The following EVC2 variants were observed in gnomAD, a reference collection of about 807,000 sequenced individuals.
EVC2 encodes limbin.
A neutral mutation model predicts 149.3 loss-of-function variants in EVC2; 148 were observed. The observed-to-expected ratio is 0.99, with a 90% confidence interval of 0.87 to 1.14. The LOEUF (loss-of-function observed/expected upper bound fraction) is 1.14. Among genes scored for constraint, EVC2 ranks in the 50% most tolerant of loss-of-function variants. EVC2 has a pLI of 0.00. For synonymous variants in EVC2, 776 were observed against 649.9 expected, an observed-to-expected ratio of 1.19 and a Z score of -2.95; for missense variants, 1,854 against 1,627.3, an observed-to-expected ratio of 1.14 and a Z score of -2.40.
intron 9 of EVC2, among the ~76,000 whole-genome samples, chr4:5,649,198 A>T (rs1327859311): frequency 6.6e-6 from 1 of 152,176 alleles, no homozygotes; most frequent in Non-Finnish European, 1.5e-5. Context: ...CTGCCTTCCC[A>T]GGAACATTTG....
At chr4:5,678,904 G>C (rs2151721460) in intron 7 of EVC2, among the ~76,000 whole-genome samples, 1 of 152,182 alleles carries the variant, frequency 6.6e-6, no homozygotes. Flanking sequence ...GGTGGTGGGT[G>C]CCTGTAATCC....
intron 6 of EVC2, among the ~76,000 whole-genome samples, chr4:5,682,398 G>T (rs997929033): frequency 6.6e-6 from 1 of 151,826 alleles, no homozygotes; most frequent in South Asian, 2.1e-4. Context: ...GCTGAGGCAG[G>T]AGAATGGCTT....
At chr4:5,621,155 A>G (rs1171025873) in intron 14 of EVC2, among the ~76,000 whole-genome samples, 1 of 152,206 alleles carries the variant, frequency 6.6e-6, no homozygotes, top group African/African-American at 2.4e-5. Flanking sequence ...CCTGGTAGCA[A>G]GGTCGGATCC....
At chr4:5,704,040 CGAGT>C (rs1721989889) in intron 1 of EVC2, among the ~76,000 whole-genome samples, 1 of 152,000 alleles carries the variant, frequency 6.6e-6, no homozygotes, top group Admixed American at 6.6e-5. Flanking sequence ...CTGAGCAGGG[CGAGT>C]GAGTGGTTTC....
At chr4:5,615,682 G>C in intron 15 of EVC2, 138 bp from the exon 16 acceptor site, 1 of 1,229,630 alleles carries the variant, frequency 8.1e-7, no homozygotes, top group Non-Finnish European at 1.2e-6. Flanking sequence ...CCAGAGAGGG[G>C]AGGAGAGAGG....
At chr4:5,619,178 C>G (rs190159318) in intron 14 of EVC2, among the ~76,000 whole-genome samples, 3 of 152,150 alleles carry the variant, frequency 2.0e-5, no homozygotes, top group Non-Finnish European at 4.4e-5. Context: ...ATGCTGGGAA[C>G]CATGCTGAGT....
At chr4:5,558,849 T>G (rs1350432906), downstream of EVC2, among the ~76,000 whole-genome samples, 1 of 152,118 alleles carries the variant, frequency 6.6e-6, no homozygotes, top group African/African-American at 2.4e-5. Context: ...ACTGACCACA[T>G]AAGTAAATGG....
chr4:5,593,116 G>C (rs1035043715), intron 16 of EVC2, among the ~76,000 whole-genome samples: 1 of 152,062 alleles, frequency 6.6e-6, no homozygotes, highest in Admixed American at 6.5e-5. Context: ...AGTTTCTTGA[G>C]GTCTCCCCAG....
chr4:5,578,017 A>G (rs1036887983), intron 17 of EVC2, among the ~76,000 whole-genome samples: 2 of 144,666 alleles, frequency 1.4e-5, no homozygotes, highest in Non-Finnish European at 3.0e-5. Flanking sequence ...AAGCACCAGG[A>G]GAGCCCTGGT....
At chr4:5,619,528 G>T (rs186892798) in intron 14 of EVC2, among the ~76,000 whole-genome samples, 6 of 152,300 alleles carry the variant, frequency 3.9e-5, no homozygotes, top group Admixed American at 3.9e-4. Flanking sequence ...AGGGAGCATG[G>T]TTCTGCCAAT....
chr4:5,659,053 C>T (rs1188795413), intron 9 of EVC2, among the ~76,000 whole-genome samples: 1 of 152,126 alleles, frequency 6.6e-6, no homozygotes, highest in African/African-American at 2.4e-5. Flanking sequence ...TAAGAGACAG[C>T]CTATGAATAA....
intron 9 of EVC2, among the ~76,000 whole-genome samples, chr4:5,656,834 T>G (rs763885792): frequency 6.6e-6 from 1 of 152,284 alleles, no homozygotes; most frequent in African/African-American, 2.4e-5. Flanking sequence ...TTACGGTAAT[T>G]TGTGACAACA....
At chr4:5,586,587 G>T (rs1428551602) in intron 16 of EVC2, among the ~76,000 whole-genome samples, 2 of 152,092 alleles carry the variant, frequency 1.3e-5, no homozygotes, top group African/African-American at 4.8e-5. Flanking sequence ...ATTTACAATC[G>T]ATTCTCTCTG....
At chr4:5,565,530 G>A (rs972787086) in intron 20 of EVC2, among the ~76,000 whole-genome samples, 171 bp from the exon 21 acceptor site, 2 of 151,992 alleles carry the variant, frequency 1.3e-5, no homozygotes, top group African/African-American at 4.8e-5. Context: ...AAATTAGCAG[G>A]GCGTGGTAGT....
In EVC2 at chr4:5,689,287, G is replaced by C. The variant is rs764691234; in HGVS notation, c.576C>G (p.Thr192=). 77 of 1,614,054 alleles carry C rather than the reference G, an allele frequency of 4.8e-5. No homozygotes were observed. The highest frequency in any genetic ancestry group is 4.6e-5 in the Non-Finnish European group (54 of 1,180,044). The part of the protein sequence containing the change: ...TARIWLLVNN[T]KTTSSANLSE... ...AGAGGTTGGCTGACGAGGTTGTCTT[G>C]GTGTTGTTAACAAGCAGCCATATGC... is the stretch of plus-strand genomic sequence containing the variant. The change falls in exon 5 of 22, where the codon ACC becomes ACG. Residue 192 remains threonine (T), a synonymous_variant. Transcript: ENST00000344408.
chr4:5,567,155 C>G lies in EVC2; in HGVS notation c.3557+1289G>C, dbSNP rs1722336339. On this transcript the variant is annotated intron_variant, in intron 20 of 21. Transcript: ENST00000344408. This position sits in a 1 kb window ranked among gnomAD's most constrained non-coding sequence, Gnocchi z 4.4. ...ACGCCAACAACCAGACCTCTGACCC[C>G]CTAACATGCAGCCAGCCCTCTGACT... Among the ~76,000 whole-genome samples, 1 of 152,058 alleles carries G rather than the reference C, an allele frequency of 6.6e-6. No individual in the cohort carries two copies. The highest frequency in any genetic ancestry group is 2.1e-4 in the South Asian group (1 of 4,812).
chr4:5,701,163 C>A (rs1309422994), intron 1 of EVC2, among the ~76,000 whole-genome samples: 2 of 152,184 alleles, frequency 1.3e-5, no homozygotes, highest in Non-Finnish European at 2.9e-5. Flanking sequence ...TAGCTGAGTC[C>A]TTCTCACGTT....
At position 5,632,395 on chromosome 4, in the gene EVC2, A is replaced by G. The variant is rs561530748; in HGVS notation, c.1471-363T>C. On this transcript the variant is annotated intron_variant, in intron 10 of 21. Coordinates refer to ENST00000344408, the MANE Select transcript of EVC2 (RefSeq NM_147127.5). ...ACACACACAGTCCCAAGCTGACAAT[A>G]ATGAGGTTACTAAGCCCTGGAATAT... 3.0e-4 allele frequency among the ~76,000 whole-genome samples: 45 copies of G among 152,274 alleles called. 1 individual carries two copies. In the South Asian group the frequency reaches 7.3e-3, roughly 25 times the overall value.
intron 16 of EVC2, among the ~76,000 whole-genome samples, chr4:5,598,178 C>A (rs1476291254): frequency 1.6e-3 from 239 of 151,820 alleles, no homozygotes; most frequent in Non-Finnish European, 2.1e-3. Context: ...CATCCCCATC[C>A]AGCTACCAAT....
Sources: allele counts gnomAD v4.1 joint callset (sites outside exome capture counted in the v4.1 genomes callset), GRCh38; gene constraint gnomAD v4.1.1; non-coding constraint Gnocchi (gnomAD v3.1); transcripts MANE v1.5; gene names NCBI Gene and HGNC (gene_info 2026-07-23, HGNC 2026-07-21).